CSGALNACT1: variants seen among roughly 807,000 people sequenced by gnomAD.
CSGALNACT1 encodes the protein chondroitin sulfate N-acetylgalactosaminyltransferase 1.
CSGALNACT1 carries 52 observed loss-of-function variants against 51.0 expected under a neutral mutation model. The observed-to-expected ratio is 1.02, with a 90% confidence interval of 0.82 to 1.29. The LOEUF (loss-of-function observed/expected upper bound fraction) is 1.29, where lower values mean the gene tolerates loss of function less well. Ranked by LOEUF, CSGALNACT1 falls within the 50% of genes most tolerant of loss-of-function variation. The pLI, the probability that CSGALNACT1 is intolerant of heterozygous loss-of-function variation, is 0.00. For missense variants in CSGALNACT1, 935 were observed against 679.2 expected (o/e 1.38, Z -4.19); for synonymous variants, 341 against 254.4 (o/e 1.34, Z -3.24).
At chr8:19,431,234 CTTG>C (rs1369189157) in intron 6 of CSGALNACT1, among the ~76,000 whole-genome samples, 1 of 152,044 alleles carries the variant, frequency 6.6e-6, no homozygotes, top group Non-Finnish European at 1.5e-5. Context: ...ACACCTTTGT[CTTG>C]TTCTTGATCT....
At chr8:19,743,712 A>G (rs372013766) in intron 1 of CSGALNACT1, among the ~76,000 whole-genome samples, 97 of 152,338 alleles carry the variant, frequency 6.4e-4, no homozygotes, top group African/African-American at 2.2e-3. Flanking sequence ...ATTGTAATTT[A>G]TATTTTTATG....
At chr8:19,518,831 G>A (rs985058699) in intron 3 of CSGALNACT1, among the ~76,000 whole-genome samples, 5 of 152,186 alleles carry the variant, frequency 3.3e-5, no homozygotes, top group Admixed American at 6.5e-5. Context: ...CACAAGGCAC[G>A]ATCAGAGGTG....
intron 1 of CSGALNACT1, among the ~76,000 whole-genome samples, chr8:19,630,801 G>T (rs140437435): frequency 2.0e-5 from 3 of 152,174 alleles, no homozygotes; most frequent in African/African-American, 7.2e-5. Context: ...ACACCTTAAT[G>T]GCTCTTTTTG....
At chr8:19,590,745 G>C (rs1218173761) in intron 3 of CSGALNACT1, among the ~76,000 whole-genome samples, 1 of 147,052 alleles carries the variant, frequency 6.8e-6, no homozygotes, top group African/African-American at 2.5e-5. Flanking sequence ...CACCTTCTGG[G>C]TTCAAGCAAT....
intron 1 of CSGALNACT1, among the ~76,000 whole-genome samples, chr8:19,678,043 G>C (rs985574073): frequency 6.6e-6 from 1 of 152,000 alleles, no homozygotes; most frequent in Non-Finnish European, 1.5e-5. Context: ...GGAGGTGGAA[G>C]CTGCAGTGAG....
intron 1 of CSGALNACT1, among the ~76,000 whole-genome samples, chr8:19,620,787 G>C (rs747486166): frequency 2.6e-5 from 4 of 152,080 alleles, no homozygotes; most frequent in Non-Finnish European, 5.9e-5. Context: ...CCTCAGTTAA[G>C]GGTAGTGGGT....
intron 5 of CSGALNACT1, chr8:19,457,767 C>A (rs770108310): frequency 7.4e-7 from 1 of 1,351,076 alleles, no homozygotes; most frequent in Non-Finnish European, 9.8e-7. Flanking sequence ...GATCCAACAC[C>A]GCACAATCAA....
intron 1 of CSGALNACT1, among the ~76,000 whole-genome samples, chr8:19,612,342 C>CA (rs11332569): frequency 8.7e-4 from 118 of 136,160 alleles, no homozygotes; most frequent in Middle Eastern, 3.8e-3. Context: ...ATCCCTGTCT[C>CA]AAAAAAAAAA....
At chr8:19,657,823 C>T (rs2058416357) in intron 1 of CSGALNACT1, among the ~76,000 whole-genome samples, 1 of 152,024 alleles carries the variant, frequency 6.6e-6, no homozygotes, top group South Asian at 2.1e-4. Context: ...TTAAGGACCT[C>T]CACTTTTCCA....
At chr8:19,546,380 C>G (rs2086472146) in intron 3 of CSGALNACT1, among the ~76,000 whole-genome samples, 1 of 152,110 alleles carries the variant, frequency 6.6e-6, no homozygotes, top group Non-Finnish European at 1.5e-5. Context: ...CTTATTCCTA[C>G]TATAATCATC....
intron 5 of CSGALNACT1, among the ~76,000 whole-genome samples, chr8:19,451,928 C>T (rs1356127719): frequency 6.6e-6 from 1 of 152,180 alleles, no homozygotes; most frequent in Non-Finnish European, 1.5e-5. Context: ...GATTCCTCAA[C>T]CAACTGTATG....
chr8:19,649,834 A>AAAAAAAAAAAC (rs2057634174), intron 1 of CSGALNACT1, among the ~76,000 whole-genome samples: 1 of 147,782 alleles, frequency 6.8e-6, no homozygotes, highest in East Asian at 2.0e-4. Flanking sequence ...AAAAAAAAAA[A>AAAAAAAAAAAC]AAAAAAAAAA....
intron 8 of CSGALNACT1, among the ~76,000 whole-genome samples, chr8:19,410,729 A>G (rs938239668): frequency 6.6e-6 from 1 of 152,218 alleles, no homozygotes; most frequent in African/African-American, 2.4e-5. Flanking sequence ...TGAGTTGTGT[A>G]AACATTTATT....
intron 6 of CSGALNACT1, among the ~76,000 whole-genome samples, 189 bp downstream of exon 5, chr8:19,439,641 A>G (rs2060978041): frequency 6.6e-6 from 1 of 152,224 alleles, no homozygotes; most frequent in African/African-American, 2.4e-5. Context: ...ATTGAAAACC[A>G]GTGTCAGACA....
chr8:19,602,801 G>C (rs1352755904), upstream of CSGALNACT1: 1 of 152,102 alleles, frequency 6.6e-6, no homozygotes, highest in Non-Finnish European at 1.5e-5. Flanking sequence ...TGAAGGGCAA[G>C]GGGAAAATAC....
At chr8:19,439,446 C>A (rs1328763658) in intron 6 of CSGALNACT1, among the ~76,000 whole-genome samples, 1 of 152,262 alleles carries the variant, frequency 6.6e-6, no homozygotes, top group African/African-American at 2.4e-5. Flanking sequence ...GAAGCTGTGG[C>A]TGAGACGGAG....
intron 1 of CSGALNACT1, among the ~76,000 whole-genome samples, chr8:19,724,822 A>G (rs1477275906): frequency 6.6e-6 from 1 of 152,164 alleles, no homozygotes; most frequent in Non-Finnish European, 1.5e-5. Context: ...TGTTGTTGCC[A>G]TGTGTCATGA....
intron 1 of CSGALNACT1, among the ~76,000 whole-genome samples, chr8:19,666,779 GAAAGAAAGAAAGAAAGAAAGAAAGAA>G (rs2059219971): frequency 1.8e-4 from 3 of 16,988 alleles, no homozygotes; most frequent in Admixed American, 8.7e-4. Context: ...AAGAAAGAAA[GAAAGAAAGAAAGAAAGAAAGAAAGAA>G]AGAAAGAGAG....
At chr8:19,578,081 C>A (rs1188380567) in intron 3 of CSGALNACT1, among the ~76,000 whole-genome samples, 1 of 152,226 alleles carries the variant, frequency 6.6e-6, no homozygotes, top group African/African-American at 2.4e-5. Context: ...TGTTCCAGAT[C>A]AGCTGCAACC....
Sources: allele counts gnomAD v4.1 joint callset (sites outside exome capture counted in the v4.1 genomes callset), GRCh38; gene constraint gnomAD v4.1.1; transcripts MANE v1.5; gene names NCBI Gene and HGNC (gene_info 2026-07-23, HGNC 2026-07-21).